The following ATG10 variants were observed in gnomAD, a reference collection of about 807,000 sequenced individuals.
ATG10 encodes ubiquitin-like-conjugating enzyme ATG10.
In ATG10, 30 loss-of-function variants were observed where a neutral mutation model predicts 32.1. The ratio of observed to expected loss-of-function variants is 0.94; its 90% CI spans 0.70 to 1.27. The LOEUF (loss-of-function observed/expected upper bound fraction) is 1.27. Ranked by LOEUF, ATG10 falls within the 50% of genes most tolerant of loss-of-function variation. The pLI, the probability that ATG10 is intolerant of heterozygous loss-of-function variation, is 0.00. For missense variants in ATG10, 233 were observed against 262.3 expected, an observed-to-expected ratio of 0.89 and a Z score of 0.77; for synonymous variants, 87 against 91.5, an observed-to-expected ratio of 0.95 and a Z score of 0.28.
At chr5:82,209,401 T>C (rs1453634403) in intron 5 of ATG10, among the ~76,000 whole-genome samples, 1 of 152,160 alleles carries the variant, frequency 6.6e-6, no homozygotes, top group African/African-American at 2.4e-5. Context: ...GAGAAGAGCC[T>C]TCAAGGTGGG....
intron 2 of ATG10, among the ~76,000 whole-genome samples, chr5:82,058,206 T>G (rs921260891): frequency 6.6e-6 from 1 of 152,178 alleles, no homozygotes; most frequent in Non-Finnish European, 1.5e-5. Flanking sequence ...AAGCTTAAGT[T>G]TTGTTCTGTG....
intron 3 of ATG10, among the ~76,000 whole-genome samples, chr5:82,132,259 T>C (rs912195926): frequency 1.3e-5 from 2 of 152,078 alleles, no homozygotes; most frequent in Admixed American, 6.6e-5. Context: ...TATTTTTTTT[T>C]ATTATTATCC....
chr5:82,192,892 C>G (rs923905636), intron 5 of ATG10, among the ~76,000 whole-genome samples: 1 of 152,198 alleles, frequency 6.6e-6, no homozygotes, highest in Admixed American at 6.5e-5. Context: ...AGTACATTTA[C>G]TTACCTACAT....
At chr5:82,055,749 T>A (rs1296074977) in intron 2 of ATG10, among the ~76,000 whole-genome samples, 2 of 152,238 alleles carry the variant, frequency 1.3e-5, no homozygotes, top group Non-Finnish European at 2.9e-5. Flanking sequence ...TACCGTATAG[T>A]CATGCTGCAT....
chr5:82,044,585 G>A (rs1346209520), intron 2 of ATG10, among the ~76,000 whole-genome samples: 1 of 151,944 alleles, frequency 6.6e-6, no homozygotes, highest in Non-Finnish European at 1.5e-5. Flanking sequence ...TTTCTGGAAT[G>A]CAATTAAGAT....
chr5:82,111,283 C>T (rs1164695342), intron 3 of ATG10: 1 of 151,986 alleles, frequency 6.6e-6, no homozygotes, highest in Non-Finnish European at 1.5e-5. Context: ...AGAATTTTAA[C>T]TGTGACTCAT....
At chr5:81,974,877 A>G (rs963614941) in intron 1 of ATG10, among the ~76,000 whole-genome samples, 6 of 145,200 alleles carry the variant, frequency 4.1e-5, no homozygotes, top group Admixed American at 4.1e-4. Context: ...TTACTGGTCT[A>G]CCTCATTTCA....
intron 3 of ATG10, among the ~76,000 whole-genome samples, chr5:82,132,279 C>T (rs185609796): frequency 1.2e-4 from 18 of 151,658 alleles, no homozygotes; most frequent in Admixed American, 4.6e-4. Flanking sequence ...CTTTAAGTTC[C>T]GGGATACATG....
intron 5 of ATG10, among the ~76,000 whole-genome samples, chr5:82,248,928 A>G (rs954973906): frequency 2.6e-5 from 4 of 151,816 alleles, no homozygotes; most frequent in Non-Finnish European, 5.9e-5. Flanking sequence ...ATAAGGTCTC[A>G]GTATAGTAAA....
intron 2 of ATG10, among the ~76,000 whole-genome samples, chr5:82,038,247 T>A (rs965933489): frequency 6.6e-6 from 1 of 152,220 alleles, no homozygotes; most frequent in Non-Finnish European, 1.5e-5. Flanking sequence ...GGTTCTTAAT[T>A]CTTCTAGAAT....
At chr5:82,118,623 T>C (rs1765925094) in intron 3 of ATG10, among the ~76,000 whole-genome samples, 1 of 151,808 alleles carries the variant, frequency 6.6e-6, no homozygotes, top group Admixed American at 6.6e-5. Flanking sequence ...TTTGGACATA[T>C]TGAATTGAGA....
intron 4 of ATG10, among the ~76,000 whole-genome samples, chr5:82,171,928 G>T (rs1021783309): frequency 6.6e-6 from 1 of 152,178 alleles, no homozygotes; most frequent in Non-Finnish European, 1.5e-5. Flanking sequence ...GGAGCTTACA[G>T]TCTAGTGAGG....
intron 2 of ATG10, among the ~76,000 whole-genome samples, chr5:82,028,801 T>G (rs1179089493): frequency 1.3e-5 from 2 of 152,238 alleles, no homozygotes; most frequent in African/African-American, 4.8e-5. Context: ...AAAATTAGTT[T>G]AATTAGATGA....
intron 5 of ATG10, among the ~76,000 whole-genome samples, chr5:82,182,806 C>T (rs547158140): frequency 2.0e-5 from 3 of 152,182 alleles, no homozygotes; most frequent in Admixed American, 1.3e-4. Context: ...ACTGAATCAG[C>T]GTCAGTATCT....
At chr5:82,092,083 A>G (rs1371189813) in intron 3 of ATG10, among the ~76,000 whole-genome samples, 2 of 152,206 alleles carry the variant, frequency 1.3e-5, no homozygotes, top group Non-Finnish European at 2.9e-5. Context: ...AATTTAGTTT[A>G]ATAGCTTTTG....
At chr5:82,081,226 T>C (rs1764468684) in intron 3 of ATG10, among the ~76,000 whole-genome samples, 1 of 152,260 alleles carries the variant, frequency 6.6e-6, no homozygotes, top group Non-Finnish European at 1.5e-5. Context: ...GAGACTTTGC[T>C]GAAGTTGCTT....
chr5:82,109,801 T>C (rs1041438170), intron 3 of ATG10, among the ~76,000 whole-genome samples: 2 of 150,864 alleles, frequency 1.3e-5, no homozygotes, highest in Non-Finnish European at 3.0e-5. Context: ...TTTTTTAATA[T>C]ATATATATAT....
chr5:82,219,887 T>A (rs1254756944), intron 5 of ATG10, among the ~76,000 whole-genome samples: 1 of 152,244 alleles, frequency 6.6e-6, no homozygotes, highest in Non-Finnish European at 1.5e-5. Flanking sequence ...TGAGCAGTTG[T>A]TATGGTTAGT....
intron 5 of ATG10, among the ~76,000 whole-genome samples, chr5:82,238,052 T>G (rs1455378845): frequency 6.6e-6 from 1 of 152,234 alleles, no homozygotes; most frequent in Admixed American, 6.5e-5. Context: ...GAACAAGGTC[T>G]TTCCATCGAT....
Sources: gnomAD v4.1 joint callset for allele counts (sites outside exome capture counted in the v4.1 genomes callset) on GRCh38, gnomAD v4.1.1 for gene constraint, MANE v1.5 for transcripts, NCBI Gene and HGNC (gene_info 2026-07-23, HGNC 2026-07-21) for gene names.